HSPBAP1: variants seen among roughly 807,000 people sequenced by gnomAD.
HSPBAP1 encodes the protein HSPB1 associated protein 1, also known as HSPB1-associated protein 1.
Under a neutral mutation model 45.2 loss-of-function variants are expected in HSPBAP1, and 27 were observed. The observed-to-expected ratio is 0.60, with a 90% CI of 0.44 to 0.82. HSPBAP1 has a LOEUF of 0.82. Among genes scored for constraint, HSPBAP1 ranks in the 40% least tolerant of loss-of-function variants. The pLI is 0.00. For missense variants in HSPBAP1, 510 were observed against 590.9 expected (o/e 0.86, Z 1.42); for synonymous variants, 204 against 202.7 (o/e 1.01, Z -0.06).
chr3:122,768,646 G>A, intron 3 of HSPBAP1, 55 bp downstream of exon 3: 2 of 1,227,958 alleles, frequency 1.6e-6, no homozygotes, highest in Non-Finnish European at 2.4e-6. Flanking sequence ...TCTAATTTGT[G>A]TTCTTTTCTC....
At chr3:122,782,943 CCTT>C (rs1486269955) in intron 1 of HSPBAP1, among the ~76,000 whole-genome samples, 1 of 152,132 alleles carries the variant, frequency 6.6e-6, no homozygotes, top group Non-Finnish European at 1.5e-5. Flanking sequence ...ACTTGGAATC[CCTT>C]CTTAAGCCCT....
chr3:122,747,495 C>CA (rs1447041884), intron 6 of HSPBAP1, among the ~76,000 whole-genome samples: 1 of 149,456 alleles, frequency 6.7e-6, no homozygotes, highest in African/African-American at 2.5e-5. Flanking sequence ...TCGGGGGGGT[C>CA]AGCCCCCCTC....
intron 6 of HSPBAP1, among the ~76,000 whole-genome samples, chr3:122,744,692 C>T (rs146498570): frequency 4.8e-4 from 73 of 152,214 alleles, no homozygotes; most frequent in African/African-American, 1.3e-3. Flanking sequence ...TTATAGTCAA[C>T]GATACTAATC....
intron 6 of HSPBAP1, among the ~76,000 whole-genome samples, chr3:122,750,049 A>C (rs960636004): frequency 6.7e-6 from 1 of 149,164 alleles, no homozygotes; most frequent in Non-Finnish European, 1.5e-5. Flanking sequence ...ATCTCGGCTC[A>C]CTGCAACTTC....
At chr3:122,791,320 G>C (rs757189162) in intron 1 of HSPBAP1, among the ~76,000 whole-genome samples, 14 of 152,138 alleles carry the variant, frequency 9.2e-5, no homozygotes, top group Non-Finnish European at 1.5e-4. Flanking sequence ...TAACCTTCAG[G>C]ATACCTCTTT....
chr3:122,779,021 T>C (rs577592971), intron 1 of HSPBAP1, among the ~76,000 whole-genome samples: 9 of 150,514 alleles, frequency 6.0e-5, no homozygotes, highest in Non-Finnish European at 1.2e-4. Context: ...ATGTGATAGA[T>C]TTCATTTTCT....
rs374027028 is a variant in HSPBAP1, at chr3:122,740,812, C to A, written c.1000G>T (p.Asp334Tyr). 42 of 1,613,838 alleles carry A rather than the reference C, an allele frequency of 2.6e-5. No individual in the cohort carries two copies. The highest frequency in any genetic ancestry group is 3.1e-5 in the Non-Finnish European group (37 of 1,180,000). Residue 334 changes from aspartate to tyrosine, a missense_variant, in exon 8 of 8, where the codon GAT becomes TAT. Asp to Tyr is a radical substitution (Grantham distance 160, BLOSUM62 -3). Coordinates refer to ENST00000306103, the MANE Select transcript of HSPBAP1 (RefSeq NM_024610.6). Reference sequence around the variant, plus strand: ...ACTACCTCAGATGTTCTGCAGCGATCAAAAAATGCAGAAACAGCTGCATTT... The same window carrying A: ...ACTACCTCAGATGTTCTGCAGCGATAAAAAAATGCAGAAACAGCTGCATTT... ...YLNAAVSAFF[D>Y]RCRTSEVVEI...
intron 6 of HSPBAP1, 200 bp from the exon 7 acceptor site, chr3:122,741,313 CCAAT>C: frequency 1.7e-6 from 1 of 575,244 alleles, no homozygotes; most frequent in Non-Finnish European, 3.1e-6. Flanking sequence ...GAATATTTCA[CCAAT>C]CAAATTTAAG....
At chr3:122,792,196 A>T (rs545849503) in intron 1 of HSPBAP1, among the ~76,000 whole-genome samples, 35 of 152,340 alleles carry the variant, frequency 2.3e-4, no homozygotes, top group African/African-American at 8.4e-4. Flanking sequence ...CTGACTGAAT[A>T]TTCAAGAGTT....
Position 122,793,722 on chromosome 3 carries a change from G to C in HSPBAP1, c.-42C>G. 1 of 1,601,988 alleles carries C rather than the reference G, an allele frequency of 6.2e-7. No individual in the cohort carries two copies. The highest frequency in any genetic ancestry group is 8.5e-7 in the Non-Finnish European group (1 of 1,170,154). On this transcript the variant is annotated 5_prime_UTR_variant, in exon 1 of 8. Transcript: ENST00000306103. ...GTTCTGCCGGAACCCAAGGCGGAGC[G>C]GAGCTGGGGTGGGGTCAGAGTAGGG... is the stretch of plus-strand genomic sequence containing the variant.
intron 6 of HSPBAP1, among the ~76,000 whole-genome samples, chr3:122,744,111 T>C (rs1261063722): frequency 6.6e-6 from 1 of 152,162 alleles, no homozygotes; most frequent in Non-Finnish European, 1.5e-5. Flanking sequence ...CTTTTATATG[T>C]ATAAATATAA....
At chr3:122,782,971 A>T (rs1226842008) in intron 1 of HSPBAP1, among the ~76,000 whole-genome samples, 1 of 152,206 alleles carries the variant, frequency 6.6e-6, no homozygotes, top group Admixed American at 6.5e-5. Flanking sequence ...GAAAGTCAGC[A>T]GGCTCTAAGC....
rs770968369 is a variant in HSPBAP1 at position 122,740,423 on chromosome 3, A to C, written c.1389T>G (p.Asp463Glu). 10 of 1,613,272 alleles carry C rather than the reference A, an allele frequency of 6.2e-6. No homozygotes were observed. The South Asian group carries it at 1.1e-4, about 18-fold the overall frequency. Residue 463 changes from aspartate to glutamate, a missense_variant, in exon 8 of 8, where the codon GAT becomes GAG. Physicochemically the swap from Asp to Glu is conservative, Grantham distance 45. Transcript: ENST00000306103. ...TTTPQTFIST[D>E]DLLDCLVNPQ... ...GATTCACCAAGCAGTCCAGCAAGTC[A>C]TCCGTAGAAATGAATGTTTGAGGAG...
rs1190949493 is a variant in HSPBAP1, at chr3:122,793,642, A to G, written c.39T>C (p.Val13=). The G allele has an allele frequency of 6.8e-6, 11 of 1,613,840 alleles. No homozygotes were observed. The highest frequency in any genetic ancestry group is 9.3e-6 in the Non-Finnish European group (11 of 1,180,008). ...CTTCCTCCCCTCCAGCCCCAGCCGC[A>G]ACGATCACAGGAGTGGTCGCCTCGG... ...AGSEATTPVI[V]AAGAGGEEGE... Residue 13 remains valine (V), a synonymous_variant, in exon 1 of 8, where the codon GTT becomes GTC. Coordinates refer to ENST00000306103, the MANE Select transcript of HSPBAP1 (RefSeq NM_024610.6).
chr3:122,741,243 C>T lies in HSPBAP1; in HGVS notation c.826-130G>A, dbSNP rs1002293957. 7 of 706,174 alleles carry T rather than the reference C, an allele frequency of 9.9e-6. No individual in the cohort carries two copies. In the African/African-American group the frequency reaches 1.1e-4, roughly 11 times the overall value. The allele number at this position is 706,174 out of a possible 1,614,324, so 43.7% of individuals were successfully genotyped here. A position where few individuals can be genotyped will look rare whatever the true frequency, so the allele number is the denominator to read the frequency against. On this transcript the variant is annotated intron_variant, in intron 6 of 7. Coordinates refer to ENST00000306103, the MANE Select transcript of HSPBAP1 (RefSeq NM_024610.6). ...CTTTGTTATAGAAGGAATGAATATG[C>T]TATTGGTAGAACCACAATTTTTGTG...
rs538841438 is a variant in HSPBAP1, at chr3:122,745,069, G to A, written c.826-3956C>T. Among the ~76,000 whole-genome samples the A allele has an allele frequency of 4.7e-4, 72 of 152,020 alleles. 1 individual carries two copies. The South Asian group carries it at 0.011, about 23-fold the overall frequency. ...ATGATAAAACACATACAACTCAGCC[G>A]CAAATCTAGCATTTCATAGTCAGGA... On this transcript the variant is annotated intron_variant, in intron 6 of 7. Coordinates refer to ENST00000306103, the MANE Select transcript of HSPBAP1 (RefSeq NM_024610.6).
At chr3:122,782,437 T>C (rs749439992) in intron 1 of HSPBAP1, among the ~76,000 whole-genome samples, 1 of 152,116 alleles carries the variant, frequency 6.6e-6, no homozygotes, top group Non-Finnish European at 1.5e-5. Flanking sequence ...TTGGATAGGA[T>C]AGTAAAGATT....
intron 2 of HSPBAP1, among the ~76,000 whole-genome samples, chr3:122,770,385 C>T (rs1934948108): frequency 6.6e-6 from 1 of 152,134 alleles, no homozygotes; most frequent in Admixed American, 6.5e-5. Context: ...AGTAAACAAT[C>T]AATATACATA....
rs753248356 is a variant in HSPBAP1 at position 122,777,891 on chromosome 3, G to T, written c.80C>A (p.Pro27His). 1 of 1,611,454 alleles carries T rather than the reference G, an allele frequency of 6.2e-7. No individual in the cohort carries two copies. Among genetic ancestry groups the T allele is most frequent in the African/African-American group, 1.3e-5 (1 of 74,816 alleles). ...AGGEEGEHVK[P>H]FKPEKAKEII... ...TTCTTTTGCTTTCTCTGGCTTAAAA[G>T]GTTTGACATGTTCACCTAGAAAGAG... Residue 27 changes from proline (P) to histidine (H), a missense_variant, in exon 2 of 8, where the codon CCT becomes CAT. Transcript: ENST00000306103.
Sources: gnomAD v4.1 joint callset for allele counts (sites outside exome capture counted in the v4.1 genomes callset) on GRCh38, gnomAD v4.1.1 for gene constraint, MANE v1.5 for transcripts, NCBI Gene and HGNC (gene_info 2026-07-23, HGNC 2026-07-21) for gene names.